Variants in DUSP16 observed in about 807,000 individuals in gnomAD.
DUSP16 encodes the protein dual specificity protein phosphatase 16.
A neutral mutation model predicts 58.3 loss-of-function variants in DUSP16; 21 were observed. The ratio of observed to expected loss-of-function variants is 0.36; its 90% CI spans 0.26 to 0.52. DUSP16 has a LOEUF of 0.52. Ranked by LOEUF, DUSP16 falls within the 20% of genes least tolerant of loss-of-function variation. The pLI is 0.94. For synonymous variants in DUSP16, 320 were observed against 323.8 expected (o/e 0.99, Z 0.12); for missense variants, 726 against 819.0 (o/e 0.89, Z 1.39).
At chr12:12,550,552 G>A (rs992939869) in intron 1 of DUSP16, among the ~76,000 whole-genome samples, 9 of 152,096 alleles carry the variant, frequency 5.9e-5, no homozygotes, top group Non-Finnish European at 1.0e-4. Flanking sequence ...ATTCTTTACT[G>A]CCTATCATTT....
rs1338304410 is a variant in DUSP16, at chr12:12,477,705, G to A, written c.1126C>T (p.Leu376=). 6.2e-7 allele frequency: 1 copy of A among 1,613,224 alleles called. No individual in the cohort carries two copies. The highest frequency in any genetic ancestry group is 1.7e-5 in the Admixed American group (1 of 60,018). ...VQPSLLEDSP[L]VQALSGLHLS... ...TGCAGCCCACTGAGCGCCTGTACCA[G>A]CGGGCTGTCCTCTAACAGCGACGGC... The change falls in exon 7 of 7, where the codon CTG becomes TTG. Residue 376 remains leucine, a synonymous_variant. Coordinates refer to ENST00000298573, the MANE Select transcript of DUSP16 (RefSeq NM_030640.3). The surrounding 1 kb of genome is among the most constrained non-coding windows in gnomAD (Gnocchi z 4.1).
intron 3 of DUSP16, among the ~76,000 whole-genome samples, chr12:12,514,625 CAT>C (rs1212194428): frequency 6.6e-6 from 1 of 152,112 alleles, no homozygotes; most frequent in Non-Finnish European, 1.5e-5. Flanking sequence ...CGGCACATGG[CAT>C]AGAGCATGGC....
chr12:12,551,817 C>T (rs1339511586), intron 1 of DUSP16, among the ~76,000 whole-genome samples: 1 of 151,926 alleles, frequency 6.6e-6, no homozygotes, highest in Non-Finnish European at 1.5e-5. Flanking sequence ...CTCAGCCTCC[C>T]GAGTAGCTAG....
intron 4 of DUSP16, among the ~76,000 whole-genome samples, chr12:12,497,742 C>G (rs1004964431): frequency 6.6e-6 from 1 of 151,536 alleles, no homozygotes; most frequent in African/African-American, 2.4e-5. Context: ...GAGGCTGAGG[C>G]GGGCGGATCA....
rs1943436449 is a variant in DUSP16, at chr12:12,476,424, AGTCT to A, written c.*405_*408del. The A allele has an allele frequency of 1.3e-5, 2 of 157,824 alleles. No homozygotes were observed. Among genetic ancestry groups the A allele is most frequent in the African/African-American group, 4.8e-5 (2 of 41,534 alleles). 9.8% of individuals were successfully genotyped at this position (157,824 alleles called of 1,614,324 possible). ...ACCTACCTGACCCCCAAGCTGGCTC[AGTCT>A]CAGCGCTAAGGTGTACTATGGAAGG... is the stretch of plus-strand genomic sequence containing the variant. On this transcript the variant is annotated 3_prime_UTR_variant, in exon 7 of 7. Coordinates refer to ENST00000298573, the MANE Select transcript of DUSP16 (RefSeq NM_030640.3).
At chr12:12,486,566 C>T (rs879339000) in intron 5 of DUSP16, among the ~76,000 whole-genome samples, 14 of 151,124 alleles carry the variant, frequency 9.3e-5, no homozygotes, top group Admixed American at 4.0e-4. Context: ...GCATGTGGAC[C>T]CCGGCTCAGA....
At chr12:12,532,250 A>C (rs1205264399) in intron 1 of DUSP16, among the ~76,000 whole-genome samples, 2 of 152,230 alleles carry the variant, frequency 1.3e-5, no homozygotes, top group Non-Finnish European at 2.9e-5. Flanking sequence ...GAAAAGGCCT[A>C]CATGTATAAG....
chr12:12,509,163 T>C lies in DUSP16; in HGVS notation c.368-8481A>G, dbSNP rs76419959. Among the ~76,000 whole-genome samples the C allele has an allele frequency of 3.5e-3, 540 of 152,370 alleles. 3 individuals are homozygous for C. Among genetic ancestry groups the C allele is most frequent in the African/African-American group, 0.012 (505 of 41,586 alleles). On this transcript the variant is annotated intron_variant, in intron 3 of 6. Transcript: ENST00000298573. Reference sequence around the variant, plus strand: ...CATCAAAAGGAATACAGCCAGAATCTACCACTTGGCTGAACAGAATTAACA... The same window carrying C: ...CATCAAAAGGAATACAGCCAGAATCCACCACTTGGCTGAACAGAATTAACA...
chr12:12,492,789 T>A (rs1260152897), intron 4 of DUSP16, among the ~76,000 whole-genome samples: 5 of 152,256 alleles, frequency 3.3e-5, no homozygotes, highest in African/African-American at 9.6e-5. Flanking sequence ...GTCATGTTGC[T>A]AAATCCAATG....
chr12:12,540,720 C>A (rs989191109), intron 1 of DUSP16, among the ~76,000 whole-genome samples: 2 of 152,118 alleles, frequency 1.3e-5, no homozygotes, highest in African/African-American at 4.8e-5. Context: ...TCTCCTACCC[C>A]AACTCCTTAG....
At chr12:12,478,104 T>G in intron 6 of DUSP16, 89 bp from the exon 7 acceptor site, 1 of 1,186,692 alleles carries the variant, frequency 8.4e-7, no homozygotes, top group Non-Finnish European at 1.2e-6. Flanking sequence ...TAGGGAATTA[T>G]CAGGCAGACC....
intron 5 of DUSP16, among the ~76,000 whole-genome samples, chr12:12,486,481 A>T (rs1241440304): frequency 1.4e-5 from 2 of 147,262 alleles, no homozygotes; most frequent in East Asian, 4.0e-4. Flanking sequence ...ACCAAATGAG[A>T]GTGTGTGTGT....
intron 1 of DUSP16, among the ~76,000 whole-genome samples, chr12:12,548,736 C>T (rs1944685375): frequency 1.3e-5 from 2 of 151,812 alleles, no homozygotes; most frequent in South Asian, 4.2e-4. Context: ...CTTTAATAAT[C>T]TAAAGGTGTC....
At chr12:12,496,656 G>A (rs1350673561) in intron 4 of DUSP16, among the ~76,000 whole-genome samples, 1 of 152,190 alleles carries the variant, frequency 6.6e-6, no homozygotes, top group East Asian at 1.9e-4. Context: ...ATTTGAAATT[G>A]TAACTGATAA....
intron 1 of DUSP16, among the ~76,000 whole-genome samples, chr12:12,553,261 C>G (rs1297550002): frequency 6.6e-6 from 1 of 151,804 alleles, no homozygotes; most frequent in African/African-American, 2.4e-5. Flanking sequence ...TTTATAGTAC[C>G]ACAAAAAAAT....
rs772502119 is a variant in DUSP16, at chr12:12,519,882, T to G, written c.347A>C (p.Asn116Thr). The change falls in exon 3 of 7, where the codon AAC becomes ACC. Residue 116 changes from asparagine to threonine, a missense_variant. Transcript: ENST00000298573. ...CTTACCTGCAAGCAGGTGAACAGAG[T>G]TGAAGCTCTTCTCCAGTTTACCCAG... ...VLLGKLEKSF[N>T]SVHLLAGGFA... is the part of the protein sequence containing the mutation. 3.1e-6 allele frequency: 5 copies of G among 1,614,060 alleles called. No individual in the cohort carries two copies. The South Asian group carries it at 3.3e-5, about 11-fold the overall frequency.
intron 3 of DUSP16, among the ~76,000 whole-genome samples, 160 bp downstream of exon 3, chr12:12,519,702 T>G (rs1353183084): frequency 6.6e-6 from 1 of 152,222 alleles, no homozygotes; most frequent in African/African-American, 2.4e-5. Flanking sequence ...TGATATAGTA[T>G]TCAAGTTAAA....
Position 12,514,265 on chromosome 12 carries a change from T to C in DUSP16, c.367+5597A>G, listed in dbSNP as rs138089081. The stretch of plus-strand genomic sequence containing the variant: ...AAACACAGGCTACAGCTTTGACCCC[T>C]AGTCCATTGTTCTTTCCAGCTTAAA... On this transcript the variant is annotated intron_variant, in intron 3 of 6. Coordinates refer to ENST00000298573, the MANE Select transcript of DUSP16 (RefSeq NM_030640.3). Among the ~76,000 whole-genome samples the C allele has an allele frequency of 5.1e-3, 773 of 152,334 alleles. 13 individuals are homozygous for C. Among genetic ancestry groups the C allele is most frequent in the African/African-American group, 0.018 (740 of 41,594 alleles).
Position 12,521,343 on chromosome 12 carries a change from T to C in DUSP16, c.-245A>G. The C allele has an allele frequency of 1.4e-6, 2 of 1,383,108 alleles. No individual in the cohort carries two copies. Among genetic ancestry groups the C allele is most frequent in the Non-Finnish European group, 1.9e-6 (2 of 1,067,702 alleles). The allele number at this position is 1,383,108 out of a possible 1,614,324, so 85.7% of individuals were successfully genotyped here. ...CCACAAAGCAGCCCCTCACATTTGA[T>C]TCATAAAGAGATGACTGGAATAACC... On this transcript the variant is annotated 5_prime_UTR_variant, in exon 2 of 7. Transcript: ENST00000298573.
Sources: gnomAD v4.1 joint callset for allele counts (sites outside exome capture counted in the v4.1 genomes callset) on GRCh38, gnomAD v4.1.1 for gene constraint, Gnocchi (gnomAD v3.1) non-coding constraint, MANE v1.5 for transcripts, NCBI Gene and HGNC (gene_info 2026-07-23, HGNC 2026-07-21) for gene names.